Variants in RBMS3 observed in about 807,000 individuals in gnomAD.
RBMS3 encodes the protein RNA-binding motif, single-stranded-interacting protein 3.
Under a neutral mutation model 66.8 loss-of-function variants are expected in RBMS3, and 27 were observed. That is an observed-to-expected ratio of 0.40 (90% CI 0.30 to 0.56). RBMS3 has a LOEUF of 0.56. Ranked by LOEUF, RBMS3 falls within the 20% of genes least tolerant of loss-of-function variation. The pLI is 0.40. For missense variants in RBMS3, 513 were observed against 549.5 expected, an observed-to-expected ratio of 0.93 and a Z score of 0.66; for synonymous variants, 188 against 183.0, an observed-to-expected ratio of 1.03 and a Z score of -0.22.
At chr3:29,663,557 C>T (rs2050637716) in intron 4 of RBMS3, among the ~76,000 whole-genome samples, 1 of 152,056 alleles carries the variant, frequency 6.6e-6, no homozygotes, top group Admixed American at 6.5e-5. Flanking sequence ...CTCTTGAAGC[C>T]TGGGATAATG....
chr3:29,345,445 A>T (rs771602626), intron 1 of RBMS3, among the ~76,000 whole-genome samples: 3 of 151,550 alleles, frequency 2.0e-5, no homozygotes, highest in Non-Finnish European at 4.4e-5. Flanking sequence ...TTTTTCCCCC[A>T]CTCTTTGTCT....
intron 4 of RBMS3, among the ~76,000 whole-genome samples, chr3:29,719,021 C>T (rs1175000663): frequency 6.6e-6 from 1 of 152,054 alleles, no homozygotes; most frequent in East Asian, 1.9e-4. Context: ...CTAAATATTC[C>T]TCCATAAAAC....
chr3:29,923,833 G>T (rs1360887462), intron 10 of RBMS3, among the ~76,000 whole-genome samples: 2 of 152,078 alleles, frequency 1.3e-5, no homozygotes, highest in African/African-American at 4.8e-5. Context: ...TATTTCAAAT[G>T]TGAATACCAA....
At chr3:29,354,835 GTC>G (rs1280317378) in intron 1 of RBMS3, among the ~76,000 whole-genome samples, 4 of 152,086 alleles carry the variant, frequency 2.6e-5, no homozygotes, top group Non-Finnish European at 5.9e-5. Context: ...CATGGCCTCT[GTC>G]TCTCTGTTAC....
At chr3:29,564,696 A>G (rs1039746044) in intron 3 of RBMS3, among the ~76,000 whole-genome samples, 2 of 152,116 alleles carry the variant, frequency 1.3e-5, no homozygotes, top group Admixed American at 1.3e-4. Flanking sequence ...TGTCTACCTC[A>G]AACCAGAAGG....
chr3:29,293,659 A>C (rs2033004193), intron 1 of RBMS3, among the ~76,000 whole-genome samples: 1 of 151,318 alleles, frequency 6.6e-6, no homozygotes, highest in Non-Finnish European at 1.5e-5. Context: ...TTGCTTTAAC[A>C]TTGTGTCTTC....
intron 10 of RBMS3, among the ~76,000 whole-genome samples, chr3:29,924,367 G>T (rs1231661819): frequency 6.6e-6 from 1 of 151,880 alleles, no homozygotes; most frequent in Admixed American, 6.6e-5. Flanking sequence ...TTTTTAGAAG[G>T]GTTTTCTTTT....
At chr3:29,904,127 A>C (rs2060319849) in intron 10 of RBMS3, among the ~76,000 whole-genome samples, 1 of 151,994 alleles carries the variant, frequency 6.6e-6, no homozygotes, top group African/African-American at 2.4e-5. Flanking sequence ...TGCTACCGTT[A>C]AATATAACTT....
chr3:29,847,996 CT>C (rs2058831872), intron 6 of RBMS3, among the ~76,000 whole-genome samples: 1 of 152,170 alleles, frequency 6.6e-6, no homozygotes, highest in South Asian at 2.1e-4. Context: ...GGTCTTTCCC[CT>C]TTGTATTTTG....
chr3:29,309,110 A>T (rs1281696636), intron 1 of RBMS3, among the ~76,000 whole-genome samples: 1 of 151,756 alleles, frequency 6.6e-6, no homozygotes, highest in African/African-American at 2.4e-5. Flanking sequence ...GCATTGGCAG[A>T]GGTTGACCAG....
At position 29,788,965 on chromosome 3, in the gene RBMS3, A is replaced by G. The variant is rs535231493; in HGVS notation, c.637+25976A>G. Among the ~76,000 whole-genome samples the G allele has an allele frequency of 4.6e-5, 7 of 152,266 alleles. 2 individuals carry two copies. In the South Asian group the frequency reaches 1.4e-3, roughly 32 times the overall value. On this transcript the variant is annotated intron_variant, in intron 6 of 14. Coordinates refer to ENST00000383767, the MANE Select transcript of RBMS3 (RefSeq NM_001003793.3). ...AGTTTACCACATTGTAGTCTTAATA[A>G]TAATAAGAGAAATGTGAGCTAAGAT...
intron 4 of RBMS3, among the ~76,000 whole-genome samples, chr3:29,674,393 G>A (rs1163011037): frequency 6.6e-6 from 1 of 152,148 alleles, no homozygotes; most frequent in African/African-American, 2.4e-5. Flanking sequence ...AGTGTCGGAA[G>A]TTCTGGCCAG....
intron 8 of RBMS3, among the ~76,000 whole-genome samples, chr3:29,886,706 AT>A (rs527484344): frequency 3.0e-3 from 444 of 147,094 alleles, no homozygotes; most frequent in Middle Eastern, 0.018. Flanking sequence ...AGTAATTATT[AT>A]TTTTTTTTTT....
chr3:29,961,690 G>A (rs999566255), intron 12 of RBMS3, among the ~76,000 whole-genome samples: 2 of 151,816 alleles, frequency 1.3e-5, no homozygotes, highest in African/African-American at 4.8e-5. Context: ...AGCAAAGAAG[G>A]AAATAACCCC....
chr3:29,606,851 C>G (rs2048334043), intron 4 of RBMS3, among the ~76,000 whole-genome samples: 1 of 151,936 alleles, frequency 6.6e-6, no homozygotes, highest in Non-Finnish European at 1.5e-5. Flanking sequence ...TTCTATCCAT[C>G]AATGTGCTAT....
chr3:29,550,850 C>T (rs571721637), intron 3 of RBMS3, among the ~76,000 whole-genome samples: 18 of 152,264 alleles, frequency 1.2e-4, no homozygotes, highest in Non-Finnish European at 1.9e-4. Flanking sequence ...TGCCTTGACC[C>T]GGAAGCAGCA....
intron 6 of RBMS3, among the ~76,000 whole-genome samples, chr3:29,777,966 T>C (rs1394681877): frequency 6.6e-6 from 1 of 151,860 alleles, no homozygotes; most frequent in Non-Finnish European, 1.5e-5. Context: ...TGATTTGAAG[T>C]GTCGTTCAAA....
At position 29,897,579 on chromosome 3, in the gene RBMS3, C is replaced by T. The variant is rs191759920; in HGVS notation, c.888+104C>T. 2.1e-5 allele frequency: 20 copies of T among 956,520 alleles called. No homozygotes were observed. In the Admixed American group the frequency reaches 2.8e-4, roughly 13 times the overall value. 59.3% of individuals were successfully genotyped at this position (956,520 alleles called of 1,614,324 possible). ...GAATGAAAAGAAAAAAATTCTCATA[C>T]ACTTTAATCACATCTTAATGTAATA... On this transcript the variant is annotated intron_variant, in intron 9 of 14. Transcript: ENST00000383767.
chr3:29,347,716 G>A (rs892631325), intron 1 of RBMS3, among the ~76,000 whole-genome samples: 3 of 152,144 alleles, frequency 2.0e-5, no homozygotes, highest in African/African-American at 7.2e-5. Flanking sequence ...TTTGTTTTGG[G>A]AGGAGTATAG....
Sources: allele counts gnomAD v4.1 joint callset (sites outside exome capture counted in the v4.1 genomes callset), GRCh38; gene constraint gnomAD v4.1.1; transcripts MANE v1.5; gene names NCBI Gene and HGNC (gene_info 2026-07-23, HGNC 2026-07-21).